C4orf51: variants seen among roughly 807,000 people sequenced by gnomAD.
C4orf51 encodes the protein uncharacterized protein C4orf51.
C4orf51 carries 25 observed loss-of-function variants against 25.2 expected under a neutral mutation model. The observed-to-expected ratio is 0.99, with a 90% CI of 0.72 to 1.39. The LOEUF is 1.39. Ranked by LOEUF, C4orf51 falls within the 40% of genes most tolerant of loss-of-function variation. The probability of loss-of-function intolerance (pLI) is 0.00; values close to 1 mark genes in which losing one functional copy is unlikely to be tolerated. For missense variants in C4orf51, 252 were observed against 239.6 expected, an observed-to-expected ratio of 1.05 and a Z score of -0.34; for synonymous variants, 100 against 84.5, an observed-to-expected ratio of 1.18 and a Z score of -1.01.
intron 2 of C4orf51, among the ~76,000 whole-genome samples, chr4:145,717,902 T>G (rs1279575241): frequency 6.6e-6 from 1 of 152,252 alleles, no homozygotes; most frequent in Non-Finnish European, 1.5e-5. Flanking sequence ...AAATCCAATA[T>G]TATAAAGCTG....
intron 1 of C4orf51, among the ~76,000 whole-genome samples, chr4:145,748,176 C>G (rs1331414413): frequency 6.6e-6 from 1 of 152,004 alleles, no homozygotes; most frequent in Non-Finnish European, 1.5e-5. Context: ...TTACGGGTAT[C>G]TAGTTGCTCA....
chr4:145,745,165 G>A (rs1047534899), intron 1 of C4orf51, among the ~76,000 whole-genome samples: 3 of 152,240 alleles, frequency 2.0e-5, no homozygotes, highest in East Asian at 1.9e-4. Flanking sequence ...TAACAATCAC[G>A]TCAGGGTAAA....
chr4:145,721,870 G>C (rs1443327926), intron 2 of C4orf51, among the ~76,000 whole-genome samples: 1 of 152,202 alleles, frequency 6.6e-6, no homozygotes, highest in Non-Finnish European at 1.5e-5. Context: ...TATGAGATGG[G>C]CGGGAGTTAC....
At chr4:145,715,172 G>T (rs754473286) in intron 2 of C4orf51, among the ~76,000 whole-genome samples, 1 of 152,160 alleles carries the variant, frequency 6.6e-6, no homozygotes, top group Non-Finnish European at 1.5e-5. Flanking sequence ...CAGTTGGGGT[G>T]GTCTGCATGT....
At chr4:145,686,053 T>C (rs1273472162) in intron 1 of C4orf51, among the ~76,000 whole-genome samples, 1 of 152,140 alleles carries the variant, frequency 6.6e-6, no homozygotes, top group Non-Finnish European at 1.5e-5. Flanking sequence ...CAAAATGTGG[T>C]ACATACATAC....
chr4:145,729,297 A>ATTTTTTTTTTTTT lies in C4orf51; in HGVS notation c.427+80_427+92dup, dbSNP rs547075220. 5.1e-5 allele frequency: 15 copies of ATTTTTTTTTTTTT among 292,890 alleles called. 1 individual carries two copies. Among genetic ancestry groups the ATTTTTTTTTTTTT allele is most frequent in the African/African-American group, 9.8e-5 (2 of 20,380 alleles). The allele number at this position is 292,890 out of a possible 1,614,324, so 18.1% of individuals were successfully genotyped here. A position where few individuals can be genotyped will look rare whatever the true frequency, so the allele number is the denominator to read the frequency against. On this transcript the variant is annotated intron_variant, in intron 4 of 5. Transcript: ENST00000438731. ...CCTTTATTTTAATCGTGGTCATGTG[A>ATTTTTTTTTTTTT]TTTTTTTTTTTTTTTTTTTTTTTTG...
At chr4:145,713,285 C>G (rs1333176166) in intron 2 of C4orf51, among the ~76,000 whole-genome samples, 3 of 152,150 alleles carry the variant, frequency 2.0e-5, no homozygotes, top group African/African-American at 4.8e-5. Flanking sequence ...ATAATGATTC[C>G]TTTAATGAAT....
chr4:145,726,802 G>T, intron 2 of C4orf51, 109 bp from the exon 3 acceptor site: 1 of 863,528 alleles, frequency 1.2e-6, no homozygotes, highest in Non-Finnish European at 1.9e-6. Context: ...ATGCTAAAGG[G>T]AAGCAATTGA....
In C4orf51 at chr4:145,718,560, A is replaced by G. The variant is rs555029059; in HGVS notation, c.308-8351A>G. Among the ~76,000 whole-genome samples, 357 of 152,326 alleles carry G rather than the reference A, an allele frequency of 2.3e-3. 1 individual carries two copies. The highest frequency in any genetic ancestry group is 4.5e-3 in the Non-Finnish European group (306 of 68,020). ...TCAAAAAGCAGTAAGAAGTCACTGG[A>G]CTACCCCATAAGTCACGTCTTGCCA... On this transcript the variant is annotated intron_variant, in intron 2 of 5. Coordinates refer to ENST00000438731, the MANE Select transcript of C4orf51 (RefSeq NM_001080531.3).
intron 1 of C4orf51, among the ~76,000 whole-genome samples, chr4:145,751,179 C>T (rs1454875069): frequency 6.6e-6 from 1 of 152,178 alleles, no homozygotes; most frequent in Non-Finnish European, 1.5e-5. Flanking sequence ...GTCATGTTTT[C>T]CTGGATGATC....
At chr4:145,687,442 T>C (rs1322211305) in intron 1 of C4orf51, among the ~76,000 whole-genome samples, 1 of 152,192 alleles carries the variant, frequency 6.6e-6, no homozygotes, top group African/African-American at 2.4e-5. Context: ...ATCCTTAACC[T>C]TGGCAAAATA....
At chr4:145,684,124 T>C (rs550767151) in intron 1 of C4orf51, among the ~76,000 whole-genome samples, 15 of 148,038 alleles carry the variant, frequency 1.0e-4, no homozygotes, top group African/African-American at 3.8e-4. Flanking sequence ...CAATTAAAAA[T>C]GGGCCAAAGA....
At chr4:145,729,849 C>T in intron 4 of C4orf51, 43 bp from the exon 5 acceptor site, 2 of 1,537,404 alleles carry the variant, frequency 1.3e-6, no homozygotes, top group Non-Finnish European at 9.0e-7. Context: ...GGTAGACTCT[C>T]TTTATCGCAA....
the C4orf51 span, among the ~76,000 whole-genome samples, chr4:145,782,474 C>A: frequency 1.3e-5 from 2 of 152,158 alleles, no homozygotes; most frequent in African/African-American, 4.8e-5. Flanking sequence ...GATTCCTCCC[C>A]CGACTCTCTT....
chr4:145,746,835 G>T (rs1474965887), intron 1 of C4orf51, among the ~76,000 whole-genome samples: 5 of 151,680 alleles, frequency 3.3e-5, no homozygotes, highest in African/African-American at 1.2e-4. Flanking sequence ...ATTGATTCTT[G>T]CAATCCACAA....
At chr4:145,687,735 G>A (rs1236246085) in intron 1 of C4orf51, among the ~76,000 whole-genome samples, 5 of 152,174 alleles carry the variant, frequency 3.3e-5, no homozygotes, top group Non-Finnish European at 5.9e-5. Context: ...GTCAGGTTAT[G>A]CTTCTCAAAT....
intron 2 of C4orf51, among the ~76,000 whole-genome samples, chr4:145,709,272 G>A (rs1401759425): frequency 6.6e-6 from 1 of 152,196 alleles, no homozygotes; most frequent in Non-Finnish European, 1.5e-5. Flanking sequence ...GAGGCCCTAT[G>A]CAGGTGAAAA....
intron 1 of C4orf51, among the ~76,000 whole-genome samples, chr4:145,752,771 C>T (rs1269201809): frequency 3.3e-5 from 5 of 152,182 alleles, no homozygotes; most frequent in African/African-American, 7.2e-5. Flanking sequence ...GATTTCTGAG[C>T]GCTTTAGCTC....
chr4:145,790,490 T>C, the C4orf51 span, among the ~76,000 whole-genome samples: 2 of 152,222 alleles, frequency 1.3e-5, no homozygotes, highest in East Asian at 1.9e-4. Flanking sequence ...AATGTTGCAA[T>C]GTGCTATGCA....
Sources: gnomAD v4.1 joint callset for allele counts (sites outside exome capture counted in the v4.1 genomes callset) on GRCh38, gnomAD v4.1.1 for gene constraint, MANE v1.5 for transcripts, NCBI Gene and HGNC (gene_info 2026-07-23, HGNC 2026-07-21) for gene names.